The following HDAC9 variants were observed in gnomAD, a reference collection of about 807,000 sequenced individuals.
HDAC9 encodes the protein histone deacetylase 9.
In HDAC9, 41 loss-of-function variants were observed where a neutral mutation model predicts 139.4. That is an observed-to-expected ratio of 0.29 (90% CI 0.23 to 0.38). The LOEUF (loss-of-function observed/expected upper bound fraction) is 0.38, where lower values mean the gene tolerates loss of function less well. HDAC9 is among the 10% of genes least tolerant of loss of function. The pLI is 1.00. For missense variants in HDAC9, 1,147 were observed against 1,297.0 expected, an observed-to-expected ratio of 0.88 and a Z score of 1.78; for synonymous variants, 517 against 476.2, an observed-to-expected ratio of 1.09 and a Z score of -1.12.
intron 22 of HDAC9, among the ~76,000 whole-genome samples, chr7:18,921,581 G>A (rs555215384): frequency 6.6e-6 from 1 of 152,134 alleles, no homozygotes; most frequent in Non-Finnish European, 1.5e-5. Flanking sequence ...GGAAACAACA[G>A]GTGCTGGAGA....
intron 1 of HDAC9, among the ~76,000 whole-genome samples, chr7:18,349,837 G>C (rs375778915): frequency 6.6e-6 from 1 of 152,156 alleles, no homozygotes; most frequent in East Asian, 1.9e-4. Flanking sequence ...CTCAAATAAT[G>C]AAGTGGCTAT....
intron 2 of HDAC9, among the ~76,000 whole-genome samples, chr7:18,221,775 AT>A (rs1170466307): frequency 6.6e-6 from 1 of 151,898 alleles, no homozygotes; most frequent in Non-Finnish European, 1.5e-5. Flanking sequence ...ATCCAACTTG[AT>A]TTTTTCTGAG....
chr7:18,584,273 C>T (rs895862468), intron 2 of HDAC9, among the ~76,000 whole-genome samples: 1 of 150,796 alleles, frequency 6.6e-6, no homozygotes, highest in Non-Finnish European at 1.5e-5. Flanking sequence ...GGACTACAGG[C>T]ACCCGCCACC....
intron 1 of HDAC9, among the ~76,000 whole-genome samples, chr7:18,486,775 G>T (rs976124038): frequency 6.6e-6 from 1 of 151,742 alleles, no homozygotes; most frequent in African/African-American, 2.4e-5. Context: ...GTATAATTTC[G>T]TCCAGAAAAA....
intron 2 of HDAC9, among the ~76,000 whole-genome samples, chr7:18,554,210 G>C (rs1210133038): frequency 2.0e-5 from 3 of 150,628 alleles, no homozygotes; most frequent in African/African-American, 7.3e-5. Flanking sequence ...GAACTGTATT[G>C]TCTATATTGT....
chr7:18,634,785 T>C (rs1783385695), intron 8 of HDAC9, 43 bp downstream of exon 8: 2 of 1,203,886 alleles, frequency 1.7e-6, no homozygotes, highest in South Asian at 2.6e-5. Flanking sequence ...ACTGAATTTC[T>C]GATTAGCTAC....
chr7:18,312,457 G>C (rs78366740), intron 1 of HDAC9, among the ~76,000 whole-genome samples: 3,448 of 152,216 alleles, frequency 0.023, 53 homozygotes, highest in Middle Eastern at 0.037. Flanking sequence ...TCCACATGTG[G>C]AAGTGCCTTG....
At chr7:18,554,367 C>T (rs1324952303) in intron 2 of HDAC9, among the ~76,000 whole-genome samples, 5 of 107,066 alleles carry the variant, frequency 4.7e-5, no homozygotes, top group Admixed American at 1.5e-4. Context: ...GACGGAGTCT[C>T]TGTCATCACC....
At chr7:18,990,959 A>G (rs986349994) in intron 25 of HDAC9, among the ~76,000 whole-genome samples, 1 of 152,184 alleles carries the variant, frequency 6.6e-6, no homozygotes, top group Non-Finnish European at 1.5e-5. Context: ...CTCCCTAGTG[A>G]GATGAACCCG....
intron 2 of HDAC9, among the ~76,000 whole-genome samples, chr7:18,221,342 T>C (rs546944340): frequency 6.6e-6 from 1 of 152,232 alleles, no homozygotes; most frequent in East Asian, 1.9e-4. Context: ...TGACCTCAGG[T>C]GATCCGCCCA....
In HDAC9 at chr7:18,997,483, G is replaced by C. The variant is rs763553493; in HGVS notation, c.*1421G>C. 1 of 152,074 alleles carries C rather than the reference G, an allele frequency of 6.6e-6. No homozygotes were observed. Among genetic ancestry groups the C allele is most frequent in the Non-Finnish European group, 1.5e-5 (1 of 67,986 alleles). 9.4% of individuals were successfully genotyped at this position (152,074 alleles called of 1,614,324 possible). On this transcript the variant is annotated 3_prime_UTR_variant, in exon 26 of 26. Transcript: ENST00000686413. ...TCAAACACCTAAACATATTGAGGTA[G>C]AATATCTCACAGTATTTAATATCTG...
At chr7:18,454,694 G>T (rs1163349439) in intron 1 of HDAC9, among the ~76,000 whole-genome samples, 1 of 151,888 alleles carries the variant, frequency 6.6e-6, no homozygotes, top group South Asian at 2.1e-4. Flanking sequence ...ATTCCCTAAA[G>T]AAAATTATCT....
intron 6 of HDAC9, among the ~76,000 whole-genome samples, chr7:18,602,444 A>G (rs73315007): frequency 1.3e-3 from 200 of 149,526 alleles, no homozygotes; most frequent in African/African-American, 4.5e-3. Context: ...TCCTGGTTAT[A>G]ATTGTCTTGA....
At chr7:18,281,564 G>A (rs1055164719) in intron 2 of HDAC9, among the ~76,000 whole-genome samples, 1 of 152,152 alleles carries the variant, frequency 6.6e-6, no homozygotes, top group South Asian at 2.1e-4. Flanking sequence ...AAGCTTCAGC[G>A]TAGAAGAGGA....
At chr7:18,474,193 AAAC>A (rs1317353804) in intron 1 of HDAC9, among the ~76,000 whole-genome samples, 1 of 152,196 alleles carries the variant, frequency 6.6e-6, no homozygotes, top group Non-Finnish European at 1.5e-5. Flanking sequence ...TTACATTTAA[AAAC>A]AACAATGTGG....
intron 1 of HDAC9, among the ~76,000 whole-genome samples, chr7:18,120,256 C>A (rs1310458401): frequency 6.6e-6 from 1 of 152,070 alleles, no homozygotes; most frequent in Non-Finnish European, 1.5e-5. Flanking sequence ...CACAGGACAG[C>A]CCCCCACAAC....
At chr7:18,415,824 G>T (rs1467806881) in intron 1 of HDAC9, among the ~76,000 whole-genome samples, 3 of 152,108 alleles carry the variant, frequency 2.0e-5, no homozygotes, top group Non-Finnish European at 1.5e-5. Flanking sequence ...TCAAGTATGG[G>T]ATTACTATTG....
intron 2 of HDAC9, among the ~76,000 whole-genome samples, chr7:18,230,542 C>T (rs763035364): frequency 2.0e-5 from 3 of 152,196 alleles, no homozygotes; most frequent in Non-Finnish European, 4.4e-5. Flanking sequence ...TGACCTATTA[C>T]GTTCCTGTAA....
At chr7:18,420,680 G>A (rs990391985) in intron 1 of HDAC9, among the ~76,000 whole-genome samples, 1 of 152,286 alleles carries the variant, frequency 6.6e-6, no homozygotes, top group South Asian at 2.1e-4. Context: ...AGACTCAGTG[G>A]TGAGAAGAAA....
Sources: allele counts gnomAD v4.1 joint callset (sites outside exome capture counted in the v4.1 genomes callset), GRCh38; gene constraint gnomAD v4.1.1; transcripts MANE v1.5; gene names NCBI Gene and HGNC (gene_info 2026-07-23, HGNC 2026-07-21).